The following BCKDHB variants were observed in gnomAD, a reference collection of about 807,000 sequenced individuals.
BCKDHB encodes the protein 2-oxoisovalerate dehydrogenase subunit beta, mitochondrial.
In BCKDHB, 41 loss-of-function variants were observed where a neutral mutation model predicts 48.5. The ratio of observed to expected loss-of-function variants is 0.85; its 90% CI spans 0.66 to 1.10. The LOEUF is 1.10. BCKDHB is among the 50% of genes least tolerant of loss of function. The pLI is 0.00. For synonymous variants in BCKDHB, 201 were observed against 174.8 expected (o/e 1.15, Z -1.18); for missense variants, 496 against 494.2 (o/e 1.00, Z -0.03).
At chr6:80,323,026 G>T in intron 9 of BCKDHB, among the ~76,000 whole-genome samples, 1 of 151,730 alleles carries the variant, frequency 6.6e-6, no homozygotes, top group Non-Finnish European at 1.5e-5. Flanking sequence ...TATGGAATTG[G>T]ACAGAGCTGA....
At chr6:80,340,098 A>G (rs892117699) in intron 9 of BCKDHB, among the ~76,000 whole-genome samples, 12 of 152,222 alleles carry the variant, frequency 7.9e-5, no homozygotes, top group African/African-American at 2.9e-4. Context: ...TATTATTAAC[A>G]TAATTTAGAA....
At chr6:80,234,788 A>T (rs1776077514) in intron 8 of BCKDHB, among the ~76,000 whole-genome samples, 1 of 152,038 alleles carries the variant, frequency 6.6e-6, no homozygotes, top group Non-Finnish European at 1.5e-5. Flanking sequence ...AATCAACCTA[A>T]GGGCTCATCA....
intron 9 of BCKDHB, among the ~76,000 whole-genome samples, chr6:80,318,686 TAAAAAAAAAA>T (rs756830332): frequency 8.5e-6 from 1 of 117,210 alleles, no homozygotes; most frequent in Non-Finnish European, 1.8e-5. Context: ...CTCTCTCTCT[TAAAAAAAAAA>T]AAAAAAAAGA....
At chr6:80,432,575 G>T in the BCKDHB span, among the ~76,000 whole-genome samples, 1 of 151,914 alleles carries the variant, frequency 6.6e-6, no homozygotes, top group Non-Finnish European at 1.5e-5. Flanking sequence ...GTTAGCAATT[G>T]GTCTAACCTT....
At chr6:80,443,133 A>C in the BCKDHB span, among the ~76,000 whole-genome samples, 15 of 152,162 alleles carry the variant, frequency 9.9e-5, no homozygotes, top group Non-Finnish European at 2.1e-4. Flanking sequence ...GGCTCTAAGC[A>C]TCCCTTTTCC....
chr6:80,403,370 A>T, the BCKDHB span, among the ~76,000 whole-genome samples: 1 of 151,762 alleles, frequency 6.6e-6, no homozygotes, highest in Non-Finnish European at 1.5e-5. Context: ...TGTTTTCTTA[A>T]TTTCTTTTTC....
the BCKDHB span, among the ~76,000 whole-genome samples, chr6:80,384,001 T>C: frequency 6.6e-6 from 1 of 151,968 alleles, no homozygotes; most frequent in Admixed American, 6.6e-5. Context: ...TACTCTCAAA[T>C]TAGTTAGAAT....
chr6:80,112,824 T>A (rs1769483530), intron 1 of BCKDHB, among the ~76,000 whole-genome samples: 2 of 152,192 alleles, frequency 1.3e-5, no homozygotes, highest in Admixed American at 1.3e-4. Context: ...TAGGCATGGG[T>A]GCTGCTTTGT....
chr6:80,428,564 C>G, the BCKDHB span, among the ~76,000 whole-genome samples: 8 of 152,176 alleles, frequency 5.3e-5, no homozygotes, highest in African/African-American at 1.9e-4. Flanking sequence ...GAACACCATT[C>G]TAAGTGGTGT....
chr6:80,371,492 C>T, the BCKDHB span, among the ~76,000 whole-genome samples: 3 of 151,936 alleles, frequency 2.0e-5, no homozygotes, highest in Non-Finnish European at 4.4e-5. Context: ...TTAGTTTAAT[C>T]AAGTCCCATC....
In BCKDHB at chr6:80,200,942, G is replaced by A; in HGVS notation, c.751G>A (p.Val251Ile). The change falls in exon 7 of 10, where the codon GTC becomes ATC. Residue 251 changes from valine (V) to isoleucine (I), a missense_variant. Transcript: ENST00000320393. ...TCCTGTTCTGTATTTAGCGGAAGAAGTCCCTATAGAACCATACAACATCCC... is the reference window on the plus strand; with the variant it reads ...TCCTGTTCTGTATTTAGCGGAAGAAATCCCTATAGAACCATACAACATCCC... ...KILYRAAAEE[V>I]PIEPYNIPLS... is the part of the protein sequence containing the mutation. 1 of 1,606,372 alleles carries A rather than the reference G, an allele frequency of 6.2e-7. No homozygotes were observed. Among genetic ancestry groups the A allele is most frequent in the South Asian group, 1.1e-5 (1 of 90,898 alleles).
the BCKDHB span, among the ~76,000 whole-genome samples, chr6:80,451,633 G>C: frequency 6.6e-6 from 1 of 151,880 alleles, no homozygotes; most frequent in Non-Finnish European, 1.5e-5. Context: ...AGCTACTGAG[G>C]CATGAGAATC....
At chr6:80,295,692 A>G (rs568909716) in intron 9 of BCKDHB, among the ~76,000 whole-genome samples, 1 of 152,262 alleles carries the variant, frequency 6.6e-6, no homozygotes, top group African/African-American at 2.4e-5. Context: ...AAGAATACTC[A>G]CAACTAGTTT....
chr6:80,301,966 C>T (rs560826938), intron 9 of BCKDHB, among the ~76,000 whole-genome samples: 64 of 152,142 alleles, frequency 4.2e-4, no homozygotes, highest in African/African-American at 1.5e-3. Flanking sequence ...TTTATGATAA[C>T]CCTCAATAGG....
chr6:80,336,200 T>C (rs3805869), intron 9 of BCKDHB, among the ~76,000 whole-genome samples: 62,319 of 151,570 alleles, frequency 0.41, 15,378 homozygotes, highest in Admixed American at 0.59. Context: ...TCAGTTTCTA[T>C]AGGTAATATA....
At chr6:80,294,644 A>C (rs12110981) in intron 9 of BCKDHB, among the ~76,000 whole-genome samples, 9,432 of 152,172 alleles carry the variant, frequency 0.062, 976 homozygotes, top group African/African-American at 0.21. Context: ...TGTCTGTCTT[A>C]TGTGCTTGAG....
chr6:80,314,508 T>C (rs1053991711), intron 9 of BCKDHB, among the ~76,000 whole-genome samples: 1 of 152,070 alleles, frequency 6.6e-6, no homozygotes, highest in Non-Finnish European at 1.5e-5. Context: ...TTGTCAGCTG[T>C]AGTACACAGA....
the BCKDHB span, among the ~76,000 whole-genome samples, chr6:80,388,115 C>T: frequency 2.0e-5 from 3 of 152,182 alleles, no homozygotes; most frequent in African/African-American, 7.2e-5. Flanking sequence ...GGAGGCAACA[C>T]ATTTCTCATT....
intron 6 of BCKDHB, among the ~76,000 whole-genome samples, chr6:80,176,647 A>G (rs1773168936): frequency 6.6e-6 from 1 of 152,196 alleles, no homozygotes; most frequent in Non-Finnish European, 1.5e-5. Context: ...AGTTTTTATC[A>G]CAAGATGAAC....
Sources: gnomAD v4.1 joint callset for allele counts (sites outside exome capture counted in the v4.1 genomes callset) on GRCh38, gnomAD v4.1.1 for gene constraint, MANE v1.5 for transcripts, NCBI Gene and HGNC (gene_info 2026-07-23, HGNC 2026-07-21) for gene names.